The following NBEAL1 variants were observed in gnomAD, a reference collection of about 807,000 sequenced individuals.
NBEAL1 encodes the protein neurobeachin like 1.
A neutral mutation model predicts 351.3 loss-of-function variants in NBEAL1; 273 were observed. The observed-to-expected ratio is 0.78, with a 90% CI of 0.70 to 0.86. The LOEUF (loss-of-function observed/expected upper bound fraction) is 0.86. NBEAL1 is among the 40% of genes least tolerant of loss of function. NBEAL1 has a pLI of 0.00. For synonymous variants in NBEAL1, 1,050 were observed against 1,086.4 expected, an observed-to-expected ratio of 0.97 and a Z score of 0.66; for missense variants, 2,961 against 3,201.3, an observed-to-expected ratio of 0.92 and a Z score of 1.81.
intron 6 of NBEAL1, among the ~76,000 whole-genome samples, chr2:203,060,019 A>G (rs955849879): frequency 6.6e-6 from 1 of 152,194 alleles, no homozygotes; most frequent in East Asian, 1.9e-4. Flanking sequence ...CTACTTCTCT[A>G]TCCTCCGCCT....
chr2:203,194,422 C>T (rs931410775), intron 47 of NBEAL1, among the ~76,000 whole-genome samples: 1 of 152,050 alleles, frequency 6.6e-6, no homozygotes, highest in Non-Finnish European at 1.5e-5. Context: ...TGCATTCATA[C>T]CTATGAATGT....
intron 3 of NBEAL1, among the ~76,000 whole-genome samples, chr2:203,045,218 A>G (rs1337661034): frequency 2.0e-5 from 3 of 152,344 alleles, no homozygotes; most frequent in Admixed American, 1.3e-4. Flanking sequence ...TGGGATGACC[A>G]AGAACAAGGA....
In NBEAL1 at chr2:203,065,701, G is replaced by A. The variant is rs192603294; in HGVS notation, c.516-2692G>A. Reference sequence around the variant, plus strand: ...CAGGAGGCGGAGCTTGCAGTGAGCCGAGATTGCGCCACTGCACTCCAGCCT... The same window carrying A: ...CAGGAGGCGGAGCTTGCAGTGAGCCAAGATTGCGCCACTGCACTCCAGCCT... On this transcript the variant is annotated intron_variant, in intron 6 of 55. Coordinates refer to ENST00000683969, the MANE Select transcript of NBEAL1 (RefSeq NM_001378026.1). Among the ~76,000 whole-genome samples the A allele has an allele frequency of 2.4e-3, 367 of 152,044 alleles. 2 individuals carry two copies. The highest frequency in any genetic ancestry group is 8.4e-3 in the African/African-American group (347 of 41,474).
intron 14 of NBEAL1, among the ~76,000 whole-genome samples, chr2:203,109,256 C>T (rs897549436): frequency 1.3e-5 from 2 of 151,942 alleles, no homozygotes; most frequent in African/African-American, 4.8e-5. Context: ...ACTTGGGAGG[C>T]TGAGGTACAA....
At chr2:203,043,980 G>A (rs989914200) in intron 3 of NBEAL1, among the ~76,000 whole-genome samples, 4 of 152,122 alleles carry the variant, frequency 2.6e-5, no homozygotes, top group African/African-American at 9.7e-5. Flanking sequence ...AAATAAGAGT[G>A]CTACTGAAAA....
chr2:203,124,715 C>T (rs1303544485), intron 19 of NBEAL1, among the ~76,000 whole-genome samples: 7 of 152,074 alleles, frequency 4.6e-5, no homozygotes, highest in Non-Finnish European at 8.8e-5. Flanking sequence ...TGTATGGTAT[C>T]GACTGTATGT....
At chr2:203,076,589 C>CTTTTTT (rs369481909) in intron 7 of NBEAL1, among the ~76,000 whole-genome samples, 1 of 109,216 alleles carries the variant, frequency 9.2e-6, no homozygotes, top group Non-Finnish European at 1.7e-5. Context: ...GTACTATGTA[C>CTTTTTT]TTTTTTTTTT....
At position 203,125,346 on chromosome 2, in the gene NBEAL1, C is replaced by A; in HGVS notation, c.2683-6C>A. 6.7e-7 allele frequency: 1 copy of A among 1,482,792 alleles called. No individual in the cohort carries two copies. The highest frequency in any genetic ancestry group is 9.0e-7 in the Non-Finnish European group (1 of 1,116,632). The allele number at this position is 1,482,792 out of a possible 1,614,324, so 91.9% of individuals were successfully genotyped here. On this transcript the variant is annotated splice_region_variant and splice_polypyrimidine_tract_variant and intron_variant, in intron 19 of 55. Transcript: ENST00000683969. ...TAAGATTTAAACATTATAATTTTCC[C>A]TTTAGGATATCATAAACTGCATAGG...
At position 203,057,319 on chromosome 2, in the gene NBEAL1, T is replaced by A; in HGVS notation, c.388-7T>A. On this transcript the variant is annotated splice_region_variant and splice_polypyrimidine_tract_variant and intron_variant, in intron 5 of 55. Transcript: ENST00000683969. ...TGTCTTTAATTTATGTTTAACTTTG[T>A]TCTCAGTTAAAAAGCAAAAAAAAAG... 6.5e-7 allele frequency: 1 copy of A among 1,544,224 alleles called. No individual in the cohort carries two copies. Among genetic ancestry groups the A allele is most frequent in the Non-Finnish European group, 8.8e-7 (1 of 1,142,384 alleles).
intron 39 of NBEAL1, 99 bp from the exon 40 acceptor site, chr2:203,171,829 T>TG (rs2064328319): frequency 3.8e-6 from 2 of 520,930 alleles, no homozygotes. Flanking sequence ...TACCTTTTTT[T>TG]TTTTTTTAGC....
rs540261692 is a variant in NBEAL1 at position 203,045,402 on chromosome 2, A to G, written c.143+3546A>G. Among the ~76,000 whole-genome samples, 15 of 151,634 alleles carry G rather than the reference A, an allele frequency of 9.9e-5. 1 individual carries two copies. The South Asian group carries it at 3.1e-3, about 31-fold the overall frequency. On this transcript the variant is annotated intron_variant, in intron 3 of 55. Transcript: ENST00000683969. ...TACCTCTTTTTAGCCCTTTAGCAGG[A>G]AAAAAAATATGTATATATGTATGTT...
chr2:203,145,044 A>G lies in NBEAL1; in HGVS notation c.5188A>G (p.Thr1730Ala). The change falls in exon 33 of 56, where the codon ACA becomes GCA. Residue 1730 changes from threonine (T) to alanine (A), a missense_variant. Transcript: ENST00000683969. ...TTATATGAAGCAGTATGAAGCTCATACATTTTACGATGGTCATGAGAACAT... is the reference window on the plus strand; with the variant it reads ...TTATATGAAGCAGTATGAAGCTCATGCATTTTACGATGGTCATGAGAACAT... ...VPYMKQYEAHTFYDGHENMAL... is the reference protein window; with the variant it reads ...VPYMKQYEAHAFYDGHENMAL... 6.2e-7 allele frequency: 1 copy of G among 1,608,692 alleles called. No individual in the cohort carries two copies. The highest frequency in any genetic ancestry group is 1.7e-5 in the Admixed American group (1 of 59,142).
chr2:203,094,369 G>A (rs1010670827), intron 10 of NBEAL1, among the ~76,000 whole-genome samples: 1 of 152,120 alleles, frequency 6.6e-6, no homozygotes, highest in Non-Finnish European at 1.5e-5. Context: ...TGCCACAGAT[G>A]TCCACGATTA....
intron 36 of NBEAL1, among the ~76,000 whole-genome samples, chr2:203,161,511 C>G (rs2106380940): frequency 6.6e-6 from 1 of 151,638 alleles, no homozygotes; most frequent in African/African-American, 2.4e-5. Flanking sequence ...TGCCTGTAGT[C>G]CCAGCTACTC....
chr2:203,110,424 G>A, intron 15 of NBEAL1, 142 bp downstream of exon 15: 2 of 832,648 alleles, frequency 2.4e-6, no homozygotes, highest in Non-Finnish European at 3.6e-6. Context: ...CGTAATCCCA[G>A]CACTTTAGGA....
rs1423102786 is a variant in NBEAL1, at chr2:203,144,878, T to G, written c.5127T>G (p.Asn1709Lys). The G allele has an allele frequency of 2.5e-6, 4 of 1,601,196 alleles. No homozygotes were observed. The highest frequency in any genetic ancestry group is 3.4e-6 in the Non-Finnish European group (4 of 1,175,420). The change falls in exon 32 of 56, where the codon AAT becomes AAG. Residue 1709 changes from asparagine (N) to lysine (K), a missense_variant. By Grantham distance (94) the Asn-to-Lys change is moderately conservative. Coordinates refer to ENST00000683969, the MANE Select transcript of NBEAL1 (RefSeq NM_001378026.1). The part of the protein sequence containing the change: ...FEDFQEYCNS[N>K]EWQVYIEKYI... ...ATTTTCAAGAATATTGTAATTCAAA[T>G]GAATGGCAAGTTTACATTGAAAAAT...
chr2:203,047,507 A>G (rs113230772), intron 3 of NBEAL1, among the ~76,000 whole-genome samples: 1,576 of 152,164 alleles, frequency 0.01, 21 homozygotes, highest in African/African-American at 0.036. Context: ...CCTTAGGTCA[A>G]TGTCTTCAGG....
In NBEAL1 at chr2:203,107,841, A is replaced by G. The variant is rs770902233; in HGVS notation, c.1602A>G (p.Gln534=). 6.4e-7 allele frequency: 1 copy of G among 1,554,448 alleles called. No individual in the cohort carries two copies. The highest frequency in any genetic ancestry group is 8.7e-7 in the Non-Finnish European group (1 of 1,147,766). Reference sequence around the variant, plus strand: ...TTGACTTGCATTCTTCCCTCCATCAAACTTGTGCTGAGAACTTGATTGCAA... The same window carrying G: ...TTGACTTGCATTCTTCCCTCCATCAGACTTGTGCTGAGAACTTGATTGCAA... ...ETLDLHSSLH[Q]TCAENLIAIH... Residue 534 remains glutamine, a synonymous_variant, in exon 14 of 56, where the codon CAA becomes CAG. Transcript: ENST00000683969.
In NBEAL1 at chr2:203,221,822, T is replaced by G. The variant is rs1164636519; in HGVS notation, c.*4468T>G. Among the ~76,000 whole-genome samples the G allele has an allele frequency of 1.3e-5, 2 of 152,200 alleles. No individual in the cohort carries two copies. Among genetic ancestry groups the G allele is most frequent in the African/African-American group, 4.8e-5 (2 of 41,456 alleles). On this transcript the variant is annotated 3_prime_UTR_variant, in exon 56 of 56. Coordinates refer to ENST00000683969, the MANE Select transcript of NBEAL1 (RefSeq NM_001378026.1). Reference sequence around the variant, plus strand: ...TCATGTGGTATTTTTCTTGATGACCTTAGGCAACAATATAGTGTTATCAGT... The same window carrying G: ...TCATGTGGTATTTTTCTTGATGACCGTAGGCAACAATATAGTGTTATCAGT...
Sources: allele counts gnomAD v4.1 joint callset (sites outside exome capture counted in the v4.1 genomes callset), GRCh38; gene constraint gnomAD v4.1.1; transcripts MANE v1.5; gene names NCBI Gene and HGNC (gene_info 2026-07-23, HGNC 2026-07-21).